PCDHA5: variants seen among roughly 807,000 people sequenced by gnomAD.
The protein encoded by PCDHA5 is protocadherin alpha 5.
PCDHA5 carries 43 observed loss-of-function variants against 61.6 expected under a neutral mutation model. The observed-to-expected ratio is 0.70, with a 90% confidence interval of 0.55 to 0.90. PCDHA5 has a LOEUF of 0.90. Ranked by LOEUF, PCDHA5 falls within the 40% of genes least tolerant of loss-of-function variation. PCDHA5 has a pLI of 0.00. For missense variants in PCDHA5, 1,298 were observed against 1,222.7 expected, an observed-to-expected ratio of 1.06 and a Z score of -0.92; for synonymous variants, 627 against 543.9, an observed-to-expected ratio of 1.15 and a Z score of -2.13.
At position 140,843,615 on chromosome 5, in the gene PCDHA5, C is replaced by G. The variant is rs111750019; in HGVS notation, c.2352+19488C>G. ...AGGGTGTGCTCTGGTGAGGGGCCAC[C>G]GAAGACGGACCTCATGGCCTTCAGC... On this transcript the variant is annotated intron_variant, in intron 1 of 3. Coordinates refer to ENST00000529859, the MANE Select transcript of PCDHA5 (RefSeq NM_018908.3). The G allele has an allele frequency of 2.1e-5, 33 of 1,595,902 alleles. 4 individuals are homozygous for G. Among genetic ancestry groups the G allele is most frequent in the Middle Eastern group, 3.3e-4 (2 of 6,016 alleles).
At chr5:140,903,183 T>A (rs1392196705) in intron 1 of PCDHA5, among the ~76,000 whole-genome samples, 3 of 152,194 alleles carry the variant, frequency 2.0e-5, no homozygotes, top group Admixed American at 2.0e-4. Flanking sequence ...CCACCAATAG[T>A]ATAAAAGAGT....
At chr5:140,830,452 G>T in intron 1 of PCDHA5, 2 of 1,597,312 alleles carry the variant, frequency 1.3e-6, no homozygotes, top group South Asian at 2.3e-5. Context: ...GTAAGGCGGA[G>T]AATCAGGATT....
At chr5:140,830,343 CGCA>C in intron 1 of PCDHA5, 1 of 1,614,058 alleles carries the variant, frequency 6.2e-7, no homozygotes, top group Non-Finnish European at 8.5e-7. Context: ...TGGTCGTACT[CGCA>C]GCAGAGGCGG....
chr5:140,848,002 AG>A, intron 1 of PCDHA5: 1 of 156,592 alleles, frequency 6.4e-6, no homozygotes, highest in Admixed American at 6.0e-5. Flanking sequence ...CCAGAACAAA[AG>A]AATTTTGTAA....
At chr5:140,833,313 C>T (rs1412799485) in intron 1 of PCDHA5, among the ~76,000 whole-genome samples, 1 of 152,176 alleles carries the variant, frequency 6.6e-6, no homozygotes, top group Non-Finnish European at 1.5e-5. Context: ...AATTATTTTA[C>T]ATGCCATTGG....
intron 3 of PCDHA5, among the ~76,000 whole-genome samples, chr5:140,999,772 T>A (rs1186405321): frequency 6.6e-6 from 1 of 152,182 alleles, no homozygotes; most frequent in Non-Finnish European, 1.5e-5. Flanking sequence ...CTTTATACTC[T>A]TAACCTAGAA....
intron 1 of PCDHA5, chr5:140,857,181 C>G (rs2044400350): frequency 6.3e-7 from 1 of 1,598,486 alleles, no homozygotes; most frequent in East Asian, 2.2e-5. Flanking sequence ...GACCATGATT[C>G]AGGAGCCAAC....
intron 1 of PCDHA5, among the ~76,000 whole-genome samples, chr5:140,846,372 T>C (rs1014223048): frequency 1.5e-5 from 1 of 66,612 alleles, no homozygotes; most frequent in Non-Finnish European, 3.6e-5. Flanking sequence ...TTTCTTTCTT[T>C]CTTTTTTTTT....
At chr5:140,880,764 G>T (rs1438457004) in intron 1 of PCDHA5, among the ~76,000 whole-genome samples, 1 of 152,198 alleles carries the variant, frequency 6.6e-6, no homozygotes, top group Non-Finnish European at 1.5e-5. Context: ...GCGTGTTGGA[G>T]GCTAAAAAGA....
At chr5:140,889,027 C>A (rs1004891593) in intron 1 of PCDHA5, among the ~76,000 whole-genome samples, 5 of 151,910 alleles carry the variant, frequency 3.3e-5, no homozygotes, top group African/African-American at 1.2e-4. Context: ...CCTTGGATAA[C>A]CGTAATTTGA....
intron 1 of PCDHA5, chr5:140,966,708 C>T (rs1033433543): frequency 1.7e-5 from 23 of 1,384,632 alleles, no homozygotes; most frequent in African/African-American, 6.1e-5. Context: ...GCGTGGGGCA[C>T]GGCTGGGGAA....
intron 1 of PCDHA5, among the ~76,000 whole-genome samples, chr5:140,936,452 T>C (rs1447343887): frequency 2.0e-5 from 3 of 152,216 alleles, no homozygotes; most frequent in African/African-American, 7.2e-5. Flanking sequence ...ACCACATCTG[T>C]TTAGTGGTTG....
At chr5:140,989,744 T>C (rs1354218140) in intron 3 of PCDHA5, among the ~76,000 whole-genome samples, 1 of 152,200 alleles carries the variant, frequency 6.6e-6, no homozygotes, top group Non-Finnish European at 1.5e-5. Context: ...CATTGCCTAA[T>C]CTGGAGAAAC....
intron 1 of PCDHA5, among the ~76,000 whole-genome samples, chr5:140,846,539 TA>T: frequency 6.7e-6 from 1 of 148,618 alleles, no homozygotes; most frequent in Middle Eastern, 3.5e-3. Context: ...CATGCCCTGC[TA>T]ATTTTTTGTA....
intron 1 of PCDHA5, among the ~76,000 whole-genome samples, chr5:140,901,849 A>AT (rs1167488433): frequency 2.0e-5 from 3 of 151,932 alleles, no homozygotes; most frequent in Non-Finnish European, 4.4e-5. Context: ...ATATCTTTCC[A>AT]TTTTTTTGTG....
intron 1 of PCDHA5, chr5:140,834,255 C>A: frequency 2.1e-6 from 2 of 936,844 alleles, no homozygotes; most frequent in Non-Finnish European, 3.2e-6. Context: ...TGGAAAGACG[C>A]TCCACTCTCT....
intron 1 of PCDHA5, chr5:140,862,713 C>CG (rs2153223672): frequency 1.8e-6 from 1 of 561,970 alleles, no homozygotes; most frequent in East Asian, 4.9e-5. Flanking sequence ...AGCGGGTGGG[C>CG]GAGTGCGCGC....
rs1365314674 is a variant in PCDHA5, at chr5:140,850,378, C to A, written c.2352+26251C>A. 1.3e-6 allele frequency: 2 copies of A among 1,597,842 alleles called. No homozygotes were observed. Among genetic ancestry groups the A allele is most frequent in the East Asian group, 2.2e-5 (1 of 44,846 alleles). On this transcript the variant is annotated intron_variant, in intron 1 of 3. Transcript: ENST00000529859. ...ATCCCGTTCCGCGTGGGGCTGTACA[C>A]GGGCGAGATCAGCACAACGCGTGCC...
chr5:140,988,444 A>G (rs1554250146), intron 3 of PCDHA5, among the ~76,000 whole-genome samples: 1 of 152,112 alleles, frequency 6.6e-6, no homozygotes, highest in Non-Finnish European at 1.5e-5. Flanking sequence ...GATTGACCTG[A>G]AGGGAGGAAG....
Sources: gnomAD v4.1 joint callset for allele counts (sites outside exome capture counted in the v4.1 genomes callset) on GRCh38, gnomAD v4.1.1 for gene constraint, MANE v1.5 for transcripts, NCBI Gene and HGNC (gene_info 2026-07-23, HGNC 2026-07-21) for gene names.